The following NAPB variants were observed in gnomAD, a reference collection of about 807,000 sequenced individuals.
NAPB encodes beta-soluble NSF attachment protein.
In NAPB, 26 loss-of-function variants were observed where a neutral mutation model predicts 44.7. The ratio of observed to expected loss-of-function variants is 0.58; its 90% CI spans 0.43 to 0.81. The LOEUF (loss-of-function observed/expected upper bound fraction) is 0.81, where lower values mean the gene tolerates loss of function less well. NAPB is among the 30% of genes least tolerant of loss of function. The pLI, the probability that NAPB is intolerant of heterozygous loss-of-function variation, is 0.00. For synonymous variants in NAPB, 120 were observed against 116.8 expected (o/e 1.03, Z -0.18); for missense variants, 315 against 356.4 (o/e 0.88, Z 0.94).
chr20:23,413,298 C>G (rs1420494746), intron 1 of NAPB, among the ~76,000 whole-genome samples: 2 of 149,880 alleles, frequency 1.3e-5, no homozygotes, highest in Admixed American at 1.3e-4. Flanking sequence ...AAAACCCTTA[C>G]AATAAAAGCC....
At chr20:23,416,443 C>T (rs984901123) in intron 1 of NAPB, among the ~76,000 whole-genome samples, 1 of 152,074 alleles carries the variant, frequency 6.6e-6, no homozygotes, top group African/African-American at 2.4e-5. Flanking sequence ...TCGTGAAAAA[C>T]AGATTCTGTC....
chr20:23,405,313 AAGAG>A (rs71330888), intron 1 of NAPB, among the ~76,000 whole-genome samples: 6 of 140,058 alleles, frequency 4.3e-5, no homozygotes, highest in South Asian at 4.6e-4. Context: ...GAGACAGAGA[AAGAG>A]AGAGAGAGAG....
At chr20:23,393,479 T>C (rs1431523973) in intron 5 of NAPB, among the ~76,000 whole-genome samples, 1 of 152,134 alleles carries the variant, frequency 6.6e-6, no homozygotes, top group East Asian at 1.9e-4. Flanking sequence ...CCATTTGGTA[T>C]GGTGGAGGTA....
intron 2 of NAPB, among the ~76,000 whole-genome samples, chr20:23,401,996 G>A (rs192292676): frequency 6.6e-6 from 1 of 152,320 alleles, no homozygotes; most frequent in East Asian, 1.9e-4. Context: ...GAGGGAATGT[G>A]AAACAAACTG....
Position 23,394,947 on chromosome 20 carries a change from T to A in NAPB, c.395A>T (p.Glu132Val). 1.9e-6 allele frequency: 3 copies of A among 1,614,196 alleles called. No homozygotes were observed. The highest frequency in any genetic ancestry group is 2.5e-6 in the Non-Finnish European group (3 of 1,180,032). The change falls in exon 5 of 11, where the codon GAG (glutamate) becomes GTG (valine). Residue 132 changes from glutamate (E) to valine (V), a missense_variant. This residue lies in a region of NAPB where 179 missense variants were observed against 182.5 expected (regional missense o/e 0.98). Coordinates refer to ENST00000377026, the MANE Select transcript of NAPB (RefSeq NM_022080.3). ...KHHITIAEIY[E>V]TELVDIEKAI... ...CTTCTCAATGTCTACAAGTTCAGTC[T>A]CATAGATCTCTGCAATAGTAATGTG...
At position 23,375,780 on chromosome 20, in the gene NAPB, C is replaced by A. The variant is rs1400072945; in HGVS notation, c.*1596G>T. On this transcript the variant is annotated 3_prime_UTR_variant, in exon 11 of 11. Transcript: ENST00000377026. ...CAGTAGATGCTCTGACATCACAGAGCTTCCTGCTCTACCAGCCCACCTCAT... is the reference window on the plus strand; with the variant it reads ...CAGTAGATGCTCTGACATCACAGAGATTCCTGCTCTACCAGCCCACCTCAT... 6.6e-6 allele frequency: 1 copy of A among 152,344 alleles called. No homozygotes were observed. The highest frequency in any genetic ancestry group is 2.4e-5 in the African/African-American group (1 of 41,446). 9.4% of individuals were successfully genotyped at this position (152,344 alleles called of 1,614,324 possible). A position where few individuals can be genotyped will look rare whatever the true frequency, so the allele number is the denominator to read the frequency against.
chr20:23,383,442 C>CGTT (rs1340487927), intron 7 of NAPB, among the ~76,000 whole-genome samples: 1 of 151,976 alleles, frequency 6.6e-6, no homozygotes, highest in African/African-American at 2.4e-5. Context: ...GCCGACTAGG[C>CGTT]GTTGTGGCTC....
At chr20:23,420,739 ACC>A (rs1187592605) in intron 1 of NAPB, among the ~76,000 whole-genome samples, 1 of 151,368 alleles carries the variant, frequency 6.6e-6, no homozygotes, top group Non-Finnish European at 1.5e-5. Flanking sequence ...AGGTCGTGGG[ACC>A]CCCGCACCAA....
chr20:23,383,861 T>C (rs1983246003), intron 7 of NAPB, among the ~76,000 whole-genome samples: 1 of 152,196 alleles, frequency 6.6e-6, no homozygotes, highest in South Asian at 2.1e-4. Context: ...TGGTTCTAAA[T>C]GTATGCAGAG....
At position 23,376,289 on chromosome 20, in the gene NAPB, C is replaced by A. The variant is rs1982513318; in HGVS notation, c.*1087G>T. The A allele has an allele frequency of 6.6e-6, 1 of 152,194 alleles. No individual in the cohort carries two copies. The highest frequency in any genetic ancestry group is 2.4e-5 in the African/African-American group (1 of 41,442). 9.4% of individuals were successfully genotyped at this position (152,194 alleles called of 1,614,324 possible). ...TAAACCAATTAAACACGACAGAGTTCAAACACATAAGCCAACATATTCCAC... is the reference window on the plus strand; with the variant it reads ...TAAACCAATTAAACACGACAGAGTTAAAACACATAAGCCAACATATTCCAC... On this transcript the variant is annotated 3_prime_UTR_variant, in exon 11 of 11. Transcript: ENST00000377026.
chr20:23,402,421 T>C (rs1052497572), intron 2 of NAPB, among the ~76,000 whole-genome samples: 2 of 152,344 alleles, frequency 1.3e-5, no homozygotes, highest in East Asian at 1.9e-4. Context: ...AATTTTGTTA[T>C]GCCCGGTCTC....
chr20:23,408,163 T>C (rs1158848527), intron 1 of NAPB, among the ~76,000 whole-genome samples: 1 of 152,154 alleles, frequency 6.6e-6, no homozygotes, highest in Non-Finnish European at 1.5e-5. Context: ...AACATCAGGA[T>C]GCCATGAAGG....
intron 10 of NAPB, among the ~76,000 whole-genome samples, chr20:23,378,441 A>G (rs1043311959): frequency 4.0e-5 from 6 of 149,252 alleles, no homozygotes; most frequent in African/African-American, 1.5e-4. Context: ...TATATTTATT[A>G]TTTATTTATT....
intron 2 of NAPB, among the ~76,000 whole-genome samples, chr20:23,400,778 T>C (rs759602674): frequency 6.6e-6 from 1 of 152,080 alleles, no homozygotes; most frequent in Non-Finnish European, 1.5e-5. Context: ...CTAATATTCA[T>C]CCACTCAACA....
chr20:23,401,309 G>A (rs1032351825), intron 2 of NAPB, among the ~76,000 whole-genome samples: 2 of 152,126 alleles, frequency 1.3e-5, no homozygotes, highest in African/African-American at 4.8e-5. Context: ...TCACTGGAAC[G>A]CTAGGCACGT....
chr20:23,413,192 T>C (rs574662360), intron 1 of NAPB, among the ~76,000 whole-genome samples: 70 of 151,372 alleles, frequency 4.6e-4, no homozygotes, highest in African/African-American at 1.7e-3. Flanking sequence ...ATATATTAAG[T>C]GGCAACGAAA....
rs756656899 is a variant in NAPB, at chr20:23,421,275, C to G, written c.98+30G>C. ...GGGGGCCAAGTACGGAGACCCCCCC[C>G]CCCCAGGGCACGCACGGTCTGGCGC... is the stretch of plus-strand genomic sequence containing the variant. On this transcript the variant is annotated intron_variant, in intron 1 of 10. Transcript: ENST00000377026. 1.7e-4 allele frequency: 264 copies of G among 1,517,728 alleles called. 1 individual carries two copies. Among genetic ancestry groups the G allele is most frequent in the Non-Finnish European group, 2.2e-4 (245 of 1,123,244 alleles). 94.0% of individuals were successfully genotyped at this position (1,517,728 alleles called of 1,614,324 possible).
At chr20:23,400,313 T>A (rs1984737597) in intron 2 of NAPB, among the ~76,000 whole-genome samples, 1 of 152,066 alleles carries the variant, frequency 6.6e-6, no homozygotes, top group Non-Finnish European at 1.5e-5. Flanking sequence ...GGTCAGGAGT[T>A]CAAGACCAGC....
intron 5 of NAPB, among the ~76,000 whole-genome samples, chr20:23,393,295 G>A (rs1368554455): frequency 6.6e-6 from 1 of 151,708 alleles, no homozygotes; most frequent in Non-Finnish European, 1.5e-5. Context: ...CCTCAGAAAA[G>A]TATGGCAATT....
Sources: allele counts gnomAD v4.1 joint callset (sites outside exome capture counted in the v4.1 genomes callset), GRCh38; gene constraint gnomAD v4.1.1; regional missense constraint gnomAD v4.1.1; transcripts MANE v1.5; gene names NCBI Gene and HGNC (gene_info 2026-07-23, HGNC 2026-07-21).